The following MET variants were observed in gnomAD, a reference collection of about 807,000 sequenced individuals.
MET encodes hepatocyte growth factor receptor.
Under a neutral mutation model 133.1 loss-of-function variants are expected in MET, and 48 were observed. The observed-to-expected ratio is 0.36, with a 90% CI of 0.29 to 0.46. The LOEUF is 0.46. Among genes scored for constraint, MET ranks in the 20% least tolerant of loss-of-function variants. The pLI is 1.00. For missense variants in MET, 1,442 were observed against 1,695.9 expected (o/e 0.85, Z 2.63); for synonymous variants, 628 against 616.5 (o/e 1.02, Z -0.28).
At chr7:116,741,167 T>G (rs993013195) in intron 5 of MET, 142 bp downstream of exon 5, 5 of 964,242 alleles carry the variant, frequency 5.2e-6, no homozygotes, top group Non-Finnish European at 7.8e-6. Context: ...CTCATTTAGC[T>G]GTGAGTCATC....
intron 5 of MET, among the ~76,000 whole-genome samples, chr7:116,742,440 A>C (rs1429581340): frequency 6.6e-6 from 1 of 152,248 alleles, no homozygotes; most frequent in Non-Finnish European, 1.5e-5. Context: ...AATTTGAGAC[A>C]CTAGGAATCT....
At chr7:116,757,286 T>G in intron 6 of MET, 151 bp from the exon 7 acceptor site, 1 of 680,590 alleles carries the variant, frequency 1.5e-6, no homozygotes, top group Non-Finnish European at 2.7e-6. Flanking sequence ...TAGGATTATA[T>G]AATTTTTGGC....
intron 19 of MET, among the ~76,000 whole-genome samples, chr7:116,790,727 T>C (rs1795463180): frequency 6.6e-6 from 1 of 152,204 alleles, no homozygotes; most frequent in South Asian, 2.1e-4. Context: ...TTTTTATTTT[T>C]GAGTAGTATT....
chr7:116,716,291 GAGA>G (rs1792194406), intron 2 of MET, among the ~76,000 whole-genome samples: 1 of 60,886 alleles, frequency 1.6e-5, no homozygotes, highest in African/African-American at 8.0e-5. Context: ...GAGGGAGAGA[GAGA>G]GAGAGAGAGA....
chr7:116,784,429 C>T (rs1268674634), intron 19 of MET, among the ~76,000 whole-genome samples: 1 of 152,180 alleles, frequency 6.6e-6, no homozygotes, highest in Non-Finnish European at 1.5e-5. Flanking sequence ...ATTTAATTGG[C>T]TCACAGTTCT....
chr7:116,708,980 G>A (rs1478821526), intron 2 of MET, among the ~76,000 whole-genome samples: 2 of 152,176 alleles, frequency 1.3e-5, no homozygotes, highest in African/African-American at 4.8e-5. Context: ...AAGTCACATT[G>A]TCTTTCTGCC....
chr7:116,716,517 GAA>G (rs1269149486), intron 2 of MET, among the ~76,000 whole-genome samples: 2 of 148,370 alleles, frequency 1.3e-5, no homozygotes, highest in Non-Finnish European at 3.0e-5. Flanking sequence ...AAGAAAGAAA[GAA>G]AGAAAGAAAG....
intron 11 of MET, among the ~76,000 whole-genome samples, chr7:116,766,595 T>A (rs972105914): frequency 6.6e-6 from 1 of 152,104 alleles, no homozygotes; most frequent in African/African-American, 2.4e-5. Flanking sequence ...CAGTTCTGAG[T>A]CCAGACAGGA....
In MET at chr7:116,778,871, T is replaced by A. The variant is rs2117046888; in HGVS notation, c.3436T>A (p.Cys1146Ser). ...CAATGTCCTCTCGCTCCTGGGAATCTGCCTGCGAAGTGAAGGGTCTCCGCT... is the reference window on the plus strand; with the variant it reads ...CAATGTCCTCTCGCTCCTGGGAATCAGCCTGCGAAGTGAAGGGTCTCCGCT... ...HPNVLSLLGICLRSEGSPLVV... is the reference protein window; with the variant it reads ...HPNVLSLLGISLRSEGSPLVV... Residue 1146 changes from cysteine (C) to serine (S), a missense_variant, in exon 17 of 21, where the codon TGC (cysteine) becomes AGC (serine). Cys to Ser is a moderately radical substitution (Grantham distance 112). Coordinates refer to ENST00000397752, the MANE Select transcript of MET (RefSeq NM_000245.4). The A allele has an allele frequency of 6.2e-7, 1 of 1,614,112 alleles. No homozygotes were observed. The highest frequency in any genetic ancestry group is 8.5e-7 in the Non-Finnish European group (1 of 1,179,974).
chr7:116,763,168 C>G lies in MET; in HGVS notation c.2483C>G (p.Ser828Cys), dbSNP rs2116955919. 1 of 1,614,016 alleles carries G rather than the reference C, an allele frequency of 6.2e-7. No individual in the cohort carries two copies. Among genetic ancestry groups the G allele is most frequent in the Non-Finnish European group, 8.5e-7 (1 of 1,179,966 alleles). Residue 828 changes from serine to cysteine, a missense_variant, in exon 11 of 21, where the codon TCC (serine) becomes TGC (cysteine). Ser to Cys is a moderately radical substitution (Grantham distance 112, BLOSUM62 -1). Coordinates refer to ENST00000397752, the MANE Select transcript of MET (RefSeq NM_000245.4). ...TTTTTCATGTTAGATGGGATCCTTTCCAAATACTTTGATCTCATTTATGTA... is the reference window on the plus strand; with the variant it reads ...TTTTTCATGTTAGATGGGATCCTTTGCAAATACTTTGATCTCATTTATGTA... ...KAFFMLDGIL[S>C]KYFDLIYVHN...
At chr7:116,733,788 C>T (rs1411713265) in intron 3 of MET, among the ~76,000 whole-genome samples, 1 of 151,910 alleles carries the variant, frequency 6.6e-6, no homozygotes, top group Non-Finnish European at 1.5e-5. Flanking sequence ...CTTTACTATA[C>T]AAACGAATGA....
At chr7:116,772,115 C>A (rs937470438) in intron 14 of MET, 126 bp downstream of exon 14, 1 of 1,008,634 alleles carries the variant, frequency 9.9e-7, no homozygotes, top group Non-Finnish European at 1.5e-6. Flanking sequence ...TTTACCTCTG[C>A]CAAGTAAGTA....
intron 19 of MET, among the ~76,000 whole-genome samples, chr7:116,792,502 C>CACACACACACACA (rs1795540633): frequency 5.3e-5 from 7 of 132,384 alleles, no homozygotes; most frequent in South Asian, 2.7e-4. Flanking sequence ...CACACACACA[C>CACACACACACACA]CAGCTTCTCT....
At position 116,797,781 on chromosome 7, in the gene MET, G is replaced by T; in HGVS notation, c.*1657G>T. 4.4e-6 allele frequency: 1 copy of T among 226,862 alleles called. No individual in the cohort carries two copies. Among genetic ancestry groups the T allele is most frequent in the Non-Finnish European group, 8.8e-6 (1 of 114,068 alleles). 14.1% of individuals were successfully genotyped at this position (226,862 alleles called of 1,614,324 possible). Reference sequence around the variant, plus strand: ...ATTGCGATAAGGAAATGTACTGATTGCCAATACACCCCACCCTCATTACAT... The same window carrying T: ...ATTGCGATAAGGAAATGTACTGATTTCCAATACACCCCACCCTCATTACAT... On this transcript the variant is annotated 3_prime_UTR_variant, in exon 21 of 21. Coordinates refer to ENST00000397752, the MANE Select transcript of MET (RefSeq NM_000245.4).
chr7:116,739,817 G>A (rs1178852623), intron 3 of MET, 133 bp from the exon 4 acceptor site: 53 of 1,217,656 alleles, frequency 4.4e-5, no homozygotes, highest in Non-Finnish European at 5.7e-5. Flanking sequence ...TACAATGAGG[G>A]GAACTGTTGG....
chr7:116,699,392 G>A lies in MET; in HGVS notation c.308G>A (p.Ser103Asn), dbSNP rs768675699. Residue 103 changes from serine to asparagine, a missense_variant, in exon 2 of 21, where the codon AGC (serine) becomes AAC (asparagine). Ser to Asn is a conservative substitution (Grantham distance 46, BLOSUM62 1). Transcript: ENST00000397752. Reference sequence around the variant, plus strand: ...TGTTTCCCATGTCAGGACTGCAGCAGCAAAGCCAATTTATCAGGAGGTGTT... The same window carrying A: ...TGTTTCCCATGTCAGGACTGCAGCAACAAAGCCAATTTATCAGGAGGTGTT... Reference protein sequence around the residue: ...PDCFPCQDCSSKANLSGGVWK... With the variant: ...PDCFPCQDCSNKANLSGGVWK... 8.7e-6 allele frequency: 14 copies of A among 1,613,954 alleles called. No homozygotes were observed. The highest frequency in any genetic ancestry group is 1.1e-5 in the Non-Finnish European group (13 of 1,179,970).
intron 2 of MET, among the ~76,000 whole-genome samples, chr7:116,718,885 T>C (rs1202802521): frequency 5.5e-3 from 700 of 127,904 alleles, no homozygotes; most frequent in East Asian, 9.3e-3. Flanking sequence ...CTTAATCCAG[T>C]CTATCATTGT....
chr7:116,707,715 C>T (rs1791853053), intron 2 of MET, among the ~76,000 whole-genome samples: 2 of 152,154 alleles, frequency 1.3e-5, no homozygotes, highest in South Asian at 2.1e-4. Flanking sequence ...GGTCTGTTAG[C>T]TCTGAGTGAA....
At chr7:116,726,877 G>A (rs1792813029) in intron 2 of MET, among the ~76,000 whole-genome samples, 1 of 152,182 alleles carries the variant, frequency 6.6e-6, no homozygotes, top group African/African-American at 2.4e-5. Flanking sequence ...GAAGGCCAGT[G>A]AGGAAGCACT....
Sources: allele counts gnomAD v4.1 joint callset (sites outside exome capture counted in the v4.1 genomes callset), GRCh38; gene constraint gnomAD v4.1.1; transcripts MANE v1.5; gene names NCBI Gene and HGNC (gene_info 2026-07-23, HGNC 2026-07-21).